NUP62CL: variants seen among roughly 807,000 people sequenced by gnomAD.
NUP62CL encodes nucleoporin-62 C-terminal-like protein.
A neutral mutation model predicts 15.3 loss-of-function variants in NUP62CL; 13 were observed. The ratio of observed to expected loss-of-function variants is 0.85; its 90% CI spans 0.55 to 1.35. NUP62CL has a LOEUF of 1.35. Among genes scored for constraint, NUP62CL ranks in the 40% most tolerant of loss-of-function variants. The probability of loss-of-function intolerance (pLI) is 0.00; values close to 1 mark genes in which losing one functional copy is unlikely to be tolerated. For synonymous variants in NUP62CL, 54 were observed against 49.2 expected, an observed-to-expected ratio of 1.10 and a Z score of -0.41; for missense variants, 123 against 130.6, an observed-to-expected ratio of 0.94 and a Z score of 0.28.
At chrX:107,154,620 A>G (rs1421322262) in intron 4 of NUP62CL, among the ~76,000 whole-genome samples, 1 of 111,508 alleles carries the variant, frequency 9.0e-6, no homozygotes, top group East Asian at 2.8e-4. Context: ...CCCAGCTCTT[A>G]GTCAAAGTGA....
chrX:107,202,179 G>T (rs1029864952), intron 1 of NUP62CL, among the ~76,000 whole-genome samples: 1 of 111,780 alleles, frequency 8.9e-6, no homozygotes, highest in Non-Finnish European at 1.9e-5. Context: ...ACACCTTAAA[G>T]AAAATGTGGC....
chrX:107,132,665 T>G lies in NUP62CL; in HGVS notation c.*43-8333A>C, dbSNP rs1307013958. 5.4e-5 allele frequency among the ~76,000 whole-genome samples: 6 copies of G among 111,693 alleles called. No homozygotes were observed. The East Asian group carries it at 1.7e-3, about 31-fold the overall frequency. On this transcript the variant is annotated intron_variant, in intron 8 of 8. Coordinates refer to ENST00000372466, the MANE Select transcript of NUP62CL (RefSeq NM_017681.3). ...GGTACCAGCTACTGGGCAGCTGGCC[T>G]GGGAGGATGGCCTGGGATGGGAGGT...
chrX:107,147,350 T>C (rs1020786471), intron 8 of NUP62CL, among the ~76,000 whole-genome samples: 1 of 111,617 alleles, frequency 9.0e-6, no homozygotes, highest in Admixed American at 9.5e-5. Context: ...TGTAGGTTTG[T>C]TTAGTTTCAG....
intron 3 of NUP62CL, among the ~76,000 whole-genome samples, chrX:107,170,544 C>T (rs1357977277): frequency 3.6e-5 from 4 of 109,732 alleles, no homozygotes; most frequent in Non-Finnish European, 5.7e-5. Flanking sequence ...TCCCGAGTAG[C>T]TGGGACTACA....
intron 8 of NUP62CL, among the ~76,000 whole-genome samples, chrX:107,127,175 A>G (rs1229706221): frequency 8.9e-6 from 1 of 112,185 alleles, no homozygotes; most frequent in East Asian, 2.8e-4. Context: ...TGAAAATATT[A>G]TGCTAAATGA....
chrX:107,145,990 T>G (rs182773380), intron 8 of NUP62CL, among the ~76,000 whole-genome samples: 66 of 111,921 alleles, frequency 5.9e-4, no homozygotes, highest in African/African-American at 2.1e-3. Flanking sequence ...ATGTGGAATA[T>G]CTGATTATTT....
intron 1 of NUP62CL, among the ~76,000 whole-genome samples, chrX:107,193,300 T>C (rs1927287084): frequency 8.9e-6 from 1 of 112,283 alleles, no homozygotes. Flanking sequence ...TTCATACCCA[T>C]GAGCAGAAGT....
At chrX:107,180,713 A>T (rs5962795) in intron 2 of NUP62CL, among the ~76,000 whole-genome samples, 30,351 of 110,233 alleles carry the variant, frequency 0.28, 3,738 homozygotes, top group East Asian at 0.47. Context: ...ACAGTGGTTA[A>T]CTGAGTATGG....
At chrX:107,153,677 T>C (rs1259011226) in intron 5 of NUP62CL, among the ~76,000 whole-genome samples, 174 bp from the exon 6 acceptor site, 2 of 112,298 alleles carry the variant, frequency 1.8e-5, no homozygotes, top group Non-Finnish European at 3.8e-5. Flanking sequence ...AATAGAAAAT[T>C]AACCACAGGG....
At chrX:107,131,764 GT>G in intron 8 of NUP62CL, 1 of 1,069,516 alleles carries the variant, frequency 9.4e-7, no homozygotes, top group East Asian at 3.0e-5. Flanking sequence ...TAAATGCAAG[GT>G]TTTGGGCATT....
At chrX:107,178,267 A>G (rs988514992) in intron 2 of NUP62CL, among the ~76,000 whole-genome samples, 18 of 111,872 alleles carry the variant, frequency 1.6e-4, no homozygotes, top group African/African-American at 4.9e-4. Context: ...GCCTGTTGTA[A>G]TGGTTGCATA....
intron 2 of NUP62CL, among the ~76,000 whole-genome samples, chrX:107,187,750 C>T (rs1208543666): frequency 1.8e-5 from 2 of 112,162 alleles, no homozygotes; most frequent in African/African-American, 6.5e-5. Flanking sequence ...GTAAGACTGA[C>T]AATAAAAGAG....
In NUP62CL at chrX:107,154,953, A is replaced by T. The variant is rs147679294; in HGVS notation, c.195-707T>A. Among the ~76,000 whole-genome samples the T allele has an allele frequency of 4.7e-3, 523 of 112,069 alleles. 4 individuals carry two copies. Among genetic ancestry groups the T allele is most frequent in the African/African-American group, 0.016 (487 of 30,849 alleles). The stretch of plus-strand genomic sequence containing the variant: ...CAACAGGGCTCAATGAGGCAGAATG[A>T]GGCAGGGTTAGTCACCATTAGGCTT... On this transcript the variant is annotated intron_variant, in intron 4 of 8. Transcript: ENST00000372466.
chrX:107,155,495 T>C (rs1926154705), intron 4 of NUP62CL, among the ~76,000 whole-genome samples: 1 of 111,775 alleles, frequency 8.9e-6, no homozygotes, highest in African/African-American at 3.2e-5. Context: ...CATGCAATGT[T>C]CACCTTTCAT....
chrX:107,204,428 C>T (rs988210316), intron 1 of NUP62CL, among the ~76,000 whole-genome samples: 1 of 111,218 alleles, frequency 9.0e-6, no homozygotes, highest in Non-Finnish European at 1.9e-5. Flanking sequence ...CCCCACCCCG[C>T]TACTTCCTCT....
chrX:107,144,378 A>C (rs1925841796), intron 8 of NUP62CL, among the ~76,000 whole-genome samples: 1 of 112,107 alleles, frequency 8.9e-6, no homozygotes, highest in East Asian at 2.8e-4. Context: ...GCCATTAATT[A>C]GCTGTGTGTT....
At chrX:107,149,289 C>A (rs1925955285) in intron 7 of NUP62CL, among the ~76,000 whole-genome samples, 1 of 112,194 alleles carries the variant, frequency 8.9e-6, no homozygotes, top group South Asian at 3.7e-4. Flanking sequence ...ACCTATGCAC[C>A]AAAATTCTAT....
chrX:107,193,521 A>G (rs1180986245), intron 1 of NUP62CL, among the ~76,000 whole-genome samples: 1 of 112,067 alleles, frequency 8.9e-6, no homozygotes, highest in Non-Finnish European at 1.9e-5. Flanking sequence ...CTGCTACAGA[A>G]GATATGCATA....
chrX:107,126,860 C>A (rs1160796076), intron 8 of NUP62CL, among the ~76,000 whole-genome samples: 1 of 111,605 alleles, frequency 9.0e-6, no homozygotes, highest in Middle Eastern at 4.2e-3. Flanking sequence ...CTTGTGAAAC[C>A]CTGTATCTAC....
Sources: allele counts gnomAD v4.1 joint callset (sites outside exome capture counted in the v4.1 genomes callset), GRCh38; gene constraint gnomAD v4.1.1; transcripts MANE v1.5; gene names NCBI Gene and HGNC (gene_info 2026-07-23, HGNC 2026-07-21).